The following TDP1 variants were observed in gnomAD, a reference collection of about 807,000 sequenced individuals.
TDP1 encodes the protein tyrosyl-DNA phosphodiesterase 1, also known as tyr-DNA phosphodiesterase 1.
A neutral mutation model predicts 81.5 loss-of-function variants in TDP1; 64 were observed. The ratio of observed to expected loss-of-function variants is 0.79; its 90% CI spans 0.64 to 0.97. TDP1 has a LOEUF of 0.97. TDP1 is among the 50% of genes least tolerant of loss of function. TDP1 has a pLI of 0.00. For missense variants in TDP1, 723 were observed against 743.8 expected, an observed-to-expected ratio of 0.97 and a Z score of 0.33; for synonymous variants, 256 against 264.3, an observed-to-expected ratio of 0.97 and a Z score of 0.30.
intron 15 of TDP1, among the ~76,000 whole-genome samples, chr14:90,028,023 T>C (rs1164831081): frequency 6.6e-6 from 1 of 152,190 alleles, no homozygotes; most frequent in Non-Finnish European, 1.5e-5. Context: ...ACTCTTTTCT[T>C]TCCTTCTGAA....
chr14:90,042,970 G>C (rs1888509064), intron 16 of TDP1, 100 bp from the exon 17 acceptor site: 1 of 1,594,668 alleles, frequency 6.3e-7, no homozygotes. Context: ...CTCTACCACA[G>C]TTTAGAGAGT....
chr14:89,959,914 G>A (rs1892130318), intron 2 of TDP1, among the ~76,000 whole-genome samples: 1 of 152,128 alleles, frequency 6.6e-6, no homozygotes, highest in Non-Finnish European at 1.5e-5. Flanking sequence ...TGTTATGGTA[G>A]CCTCTTAAGA....
At chr14:89,965,193 C>T (rs1270777344) in intron 3 of TDP1, among the ~76,000 whole-genome samples, 3 of 152,120 alleles carry the variant, frequency 2.0e-5, no homozygotes, top group African/African-American at 7.2e-5. Context: ...CTCTGAAAAT[C>T]GTTCTACCCC....
Position 89,963,405 on chromosome 14 carries a change from A to C in TDP1, c.291A>C (p.Gln97His). The change falls in exon 3 of 17, where the codon CAA becomes CAC. Residue 97 changes from glutamine to histidine, a missense_variant. Gln to His is a conservative substitution (Grantham distance 24, BLOSUM62 0). Coordinates refer to ENST00000335725, the MANE Select transcript of TDP1 (RefSeq NM_018319.4). ...WCLSSSDDEL[Q>H]PEMPQKQAEK... is the part of the protein sequence containing the mutation. ...TGTCCAGCAGTGATGATGAGCTGCA[A>C]CCAGAAATGCCGCAGAAGCAGGCTG... 6.2e-7 allele frequency: 1 copy of C among 1,614,060 alleles called. No homozygotes were observed. The highest frequency in any genetic ancestry group is 1.1e-5 in the South Asian group (1 of 91,084).
At chr14:89,967,118 C>T (rs1724288666) in intron 4 of TDP1, 1 of 985,244 alleles carries the variant, frequency 1.0e-6, no homozygotes, top group South Asian at 4.7e-5. Flanking sequence ...GCTGCCAAAA[C>T]ATGCAGAGAT....
intron 3 of TDP1, among the ~76,000 whole-genome samples, chr14:89,964,647 G>T (rs1892719991): frequency 6.6e-6 from 1 of 152,094 alleles, no homozygotes; most frequent in Non-Finnish European, 1.5e-5. Context: ...TCATACTGTA[G>T]AGTGTTCTAC....
chr14:90,007,776 A>AT (rs1320741936), intron 14 of TDP1, among the ~76,000 whole-genome samples: 36 of 150,024 alleles, frequency 2.4e-4, no homozygotes, highest in East Asian at 7.8e-4. Flanking sequence ...CTAATTTTTT[A>AT]TTTTTTTTTA....
At chr14:89,986,502 C>T (rs753199248) in intron 10 of TDP1, among the ~76,000 whole-genome samples, 10 of 152,324 alleles carry the variant, frequency 6.6e-5, no homozygotes, top group Middle Eastern at 6.8e-3. Flanking sequence ...GATAATAGCA[C>T]GTATTATGTG....
intron 14 of TDP1, among the ~76,000 whole-genome samples, chr14:90,002,617 C>G (rs1211913904): frequency 1.3e-5 from 2 of 151,872 alleles, no homozygotes; most frequent in African/African-American, 4.8e-5. Context: ...CACATGTAAT[C>G]CCAGCACTTT....
intron 14 of TDP1, chr14:90,018,839 C>G: frequency 3.9e-6 from 1 of 257,770 alleles, no homozygotes; most frequent in Non-Finnish European, 6.0e-6. Context: ...AGTCTTTGCC[C>G]TCAGAGCTGT....
At chr14:89,986,483 G>C (rs1895572208) in intron 10 of TDP1, among the ~76,000 whole-genome samples, 1 of 152,250 alleles carries the variant, frequency 6.6e-6, no homozygotes, top group African/African-American at 2.4e-5. Context: ...TAATGGTTTA[G>C]ATAGGCTAGA....
intron 15 of TDP1, among the ~76,000 whole-genome samples, chr14:90,031,807 C>A (rs1366381349): frequency 3.9e-5 from 6 of 152,178 alleles, no homozygotes; most frequent in Admixed American, 2.6e-4. Context: ...TCCCACCTGA[C>A]CAAACTCTGC....
At chr14:90,011,211 A>C (rs1268393012) in intron 14 of TDP1, among the ~76,000 whole-genome samples, 1 of 151,422 alleles carries the variant, frequency 6.6e-6, no homozygotes, top group Non-Finnish European at 1.5e-5. Flanking sequence ...AGTCCATTAA[A>C]CCTCCTTTCC....
Position 89,966,201 on chromosome 14 carries a change from C to A in TDP1, c.603+11C>A. Reference sequence around the variant, plus strand: ...GTTTCTTCAGCTCAGGTGAGTATACCTTTAAGCTGTTTTTTCTTTGGGTGA... The same window carrying A: ...GTTTCTTCAGCTCAGGTGAGTATACATTTAAGCTGTTTTTTCTTTGGGTGA... On this transcript the variant is annotated intron_variant, in intron 4 of 16. Coordinates refer to ENST00000335725, the MANE Select transcript of TDP1 (RefSeq NM_018319.4). The A allele has an allele frequency of 6.3e-7, 1 of 1,581,636 alleles. No individual in the cohort carries two copies. Among genetic ancestry groups the A allele is most frequent in the Non-Finnish European group, 8.7e-7 (1 of 1,150,830 alleles).
At chr14:89,985,674 T>G (rs1267694014) in intron 10 of TDP1, among the ~76,000 whole-genome samples, 1 of 152,132 alleles carries the variant, frequency 6.6e-6, no homozygotes, top group Non-Finnish European at 1.5e-5. Flanking sequence ...CGAAGAAAGG[T>G]CATAAAATAA....
chr14:89,960,421 T>C (rs113385610), intron 2 of TDP1, among the ~76,000 whole-genome samples: 3,628 of 152,322 alleles, frequency 0.024, 54 homozygotes, highest in African/African-American at 0.042. Context: ...AATACAGTTC[T>C]ACAAACCCAG....
chr14:90,021,654 C>A (rs1014973802), intron 15 of TDP1, among the ~76,000 whole-genome samples: 1 of 152,184 alleles, frequency 6.6e-6, no homozygotes, highest in Non-Finnish European at 1.5e-5. Flanking sequence ...CTAAACCGAC[C>A]TTATAGGGGG....
rs1596747211 is a variant in TDP1, at chr14:90,043,601, T to C, written c.*458T>C. On this transcript the variant is annotated 3_prime_UTR_variant, in exon 17 of 17. Coordinates refer to ENST00000335725, the MANE Select transcript of TDP1 (RefSeq NM_018319.4). ...TGATTTTATATGATATTTTGAGTAA[T>C]TTTATGCATGAAACAAAGTTTTGAC... The C allele has an allele frequency of 1.6e-5, 3 of 183,452 alleles. No homozygotes were observed. The highest frequency in any genetic ancestry group is 1.5e-4 in the East Asian group (1 of 6,798). The allele number at this position is 183,452 out of a possible 1,614,324, so 11.4% of individuals were successfully genotyped here. A position where few individuals can be genotyped will look rare whatever the true frequency, so the allele number is the denominator to read the frequency against.
At position 89,985,524 on chromosome 14, in the gene TDP1, C is replaced by G. The variant is rs970334413; in HGVS notation, c.1131+314C>G. Among the ~76,000 whole-genome samples, 5 of 152,048 alleles carry G rather than the reference C, an allele frequency of 3.3e-5. No homozygotes were observed. In the East Asian group the frequency reaches 9.6e-4, roughly 29 times the overall value. ...TATAGCTTTTGATTGTTCAGCATAT[C>G]AAGTTTTAAGATATAAATTCAACAA... On this transcript the variant is annotated intron_variant, in intron 10 of 16. Transcript: ENST00000335725.
Sources: gnomAD v4.1 joint callset for allele counts (sites outside exome capture counted in the v4.1 genomes callset) on GRCh38, gnomAD v4.1.1 for gene constraint, MANE v1.5 for transcripts, NCBI Gene and HGNC (gene_info 2026-07-23, HGNC 2026-07-21) for gene names.